KIAA0586: variants seen among roughly 807,000 people sequenced by gnomAD.
KIAA0586 encodes KIAA0586.
Under a neutral mutation model 169.8 loss-of-function variants are expected in KIAA0586, and 144 were observed. The ratio of observed to expected loss-of-function variants is 0.85; its 90% CI spans 0.74 to 0.97. KIAA0586 has a LOEUF of 0.97. KIAA0586 is among the 50% of genes least tolerant of loss of function. KIAA0586 has a pLI of 0.00. For missense variants in KIAA0586, 1,854 were observed against 1,823.0 expected, an observed-to-expected ratio of 1.02 and a Z score of -0.31; for synonymous variants, 625 against 612.4, an observed-to-expected ratio of 1.02 and a Z score of -0.30.
chr14:58,429,129 T>G (rs1314536912), intron 1 of KIAA0586, among the ~76,000 whole-genome samples: 1 of 152,248 alleles, frequency 6.6e-6, no homozygotes, highest in Admixed American at 6.5e-5. Flanking sequence ...TTAAAATGTT[T>G]CGTGCTTAAT....
At chr14:58,450,555 T>C (rs759534357) in intron 7 of KIAA0586, 24 bp from the exon 8 acceptor site, 1 of 1,486,922 alleles carries the variant, frequency 6.7e-7, no homozygotes, top group South Asian at 1.2e-5. Context: ...GCAAGTTAAG[T>C]TTTTAAAAAA....
intron 2 of KIAA0586, 116 bp from the exon 3 acceptor site, chr14:58,430,532 G>A (rs184900685): frequency 1.7e-6 from 1 of 588,324 alleles, no homozygotes; most frequent in Admixed American, 3.4e-5. Flanking sequence ...TGAAGAATAT[G>A]AAATACACAG....
intron 9 of KIAA0586, among the ~76,000 whole-genome samples, chr14:58,456,194 T>C (rs1472594634): frequency 6.6e-6 from 1 of 152,148 alleles, no homozygotes. Context: ...GCCACAGAGT[T>C]GGGAATAGGG....
chr14:58,448,611 AT>A, intron 7 of KIAA0586, 118 bp downstream of exon 7: 1 of 634,536 alleles, frequency 1.6e-6, no homozygotes. Flanking sequence ...AAATTTATTT[AT>A]AGGAGTTTTT....
intron 29 of KIAA0586, among the ~76,000 whole-genome samples, chr14:58,520,596 A>G (rs1289077732): frequency 6.6e-6 from 1 of 152,082 alleles, no homozygotes; most frequent in African/African-American, 2.4e-5. Context: ...ATCATGGCTC[A>G]CTGCAGCCTC....
At chr14:58,489,176 T>G (rs2042670507) in intron 24 of KIAA0586, among the ~76,000 whole-genome samples, 1 of 151,976 alleles carries the variant, frequency 6.6e-6, no homozygotes, top group African/African-American at 2.4e-5. Flanking sequence ...GATGTATGTT[T>G]ACCTTTAAAA....
At chr14:58,440,435 G>A (rs1301551890) in intron 4 of KIAA0586, among the ~76,000 whole-genome samples, 4 of 151,806 alleles carry the variant, frequency 2.6e-5, no homozygotes, top group Non-Finnish European at 5.9e-5. Context: ...GGGTTCAAGC[G>A]ATTCTCCTGC....
intron 27 of KIAA0586, among the ~76,000 whole-genome samples, chr14:58,503,336 G>A (rs2043708457): frequency 6.6e-6 from 1 of 152,174 alleles, no homozygotes; most frequent in African/African-American, 2.4e-5. Context: ...ACGGCTGTGG[G>A]AGTGCAGAGG....
intron 19 of KIAA0586, among the ~76,000 whole-genome samples, chr14:58,476,646 T>C (rs183782764): frequency 6.6e-6 from 1 of 150,802 alleles, no homozygotes; most frequent in Non-Finnish European, 1.5e-5. Flanking sequence ...CTGTTTAGTG[T>C]GTTTTATCTT....
the KIAA0586 span, among the ~76,000 whole-genome samples, chr14:58,557,547 GGA>G: frequency 6.6e-6 from 1 of 152,176 alleles, no homozygotes; most frequent in Non-Finnish European, 1.5e-5. Flanking sequence ...GTGTAGGCAG[GGA>G]GAGTACATTG....
At chr14:58,543,792 A>G in intron 30 of KIAA0586, 2 of 400,862 alleles carry the variant, frequency 5.0e-6, no homozygotes, top group Non-Finnish European at 9.7e-6. Context: ...TCTTCTATGG[A>G]CTATTTTTAT....
At chr14:58,537,047 T>G in intron 29 of KIAA0586, 1 of 1,269,540 alleles carries the variant, frequency 7.9e-7, no homozygotes, top group Non-Finnish European at 1.0e-6. Flanking sequence ...ACTGACAAAC[T>G]TGAGAAGCAG....
chr14:58,460,573 T>C (rs529844975), intron 13 of KIAA0586, among the ~76,000 whole-genome samples: 45 of 152,314 alleles, frequency 3.0e-4, no homozygotes, highest in African/African-American at 1.1e-3. Context: ...ATTCAATGCT[T>C]ATACTTAGTA....
At chr14:58,450,808 C>A in intron 8 of KIAA0586, 62 bp downstream of exon 8, 1 of 962,616 alleles carries the variant, frequency 1.0e-6, no homozygotes, top group Non-Finnish European at 1.6e-6. Flanking sequence ...TTTTCTGTGC[C>A]TAGTAGTAAC....
Position 58,433,917 on chromosome 14 carries a change from T to C in KIAA0586, c.410+1460T>C, listed in dbSNP as rs189092966. Reference sequence around the variant, plus strand: ...GGGAGGCTGAGGTGGAAGGATCACTTGGGCCTAGGAGTTTGAGGATGCCAT... The same window carrying C: ...GGGAGGCTGAGGTGGAAGGATCACTCGGGCCTAGGAGTTTGAGGATGCCAT... On this transcript the variant is annotated intron_variant, in intron 4 of 30. Transcript: ENST00000652326. 5.3e-5 allele frequency among the ~76,000 whole-genome samples: 8 copies of C among 152,194 alleles called. 1 individual carries two copies. In the South Asian group the frequency reaches 6.2e-4, roughly 12 times the overall value.
chr14:58,467,674 T>G, intron 15 of KIAA0586, 61 bp from the exon 16 acceptor site: 1 of 1,188,030 alleles, frequency 8.4e-7, no homozygotes, highest in Non-Finnish European at 1.2e-6. Flanking sequence ...CCAGATGGTA[T>G]ATTAGACTTT....
intron 21 of KIAA0586, among the ~76,000 whole-genome samples, chr14:58,483,840 A>C (rs1257168022): frequency 6.6e-6 from 1 of 152,212 alleles, no homozygotes; most frequent in Non-Finnish European, 1.5e-5. Context: ...TGAAACATTT[A>C]AACATCATTT....
intron 29 of KIAA0586, among the ~76,000 whole-genome samples, chr14:58,530,758 G>A (rs1169623236): frequency 6.6e-6 from 1 of 152,066 alleles, no homozygotes; most frequent in African/African-American, 2.4e-5. Context: ...AACCTAGGCA[G>A]TACCATTCAG....
chr14:58,518,929 C>T (rs1015944491), intron 29 of KIAA0586, among the ~76,000 whole-genome samples: 2 of 152,168 alleles, frequency 1.3e-5, no homozygotes, highest in African/African-American at 2.4e-5. Flanking sequence ...GTCAGGAGTT[C>T]GAGACCAGCC....
Sources: allele counts gnomAD v4.1 joint callset (sites outside exome capture counted in the v4.1 genomes callset), GRCh38; gene constraint gnomAD v4.1.1; transcripts MANE v1.5; gene names NCBI Gene and HGNC (gene_info 2026-07-23, HGNC 2026-07-21).